The following ZNF765 variants were observed in gnomAD, a reference collection of about 807,000 sequenced individuals.
The protein encoded by ZNF765 is zinc finger protein 765.
ZNF765 carries 37 observed loss-of-function variants against 44.7 expected under a neutral mutation model. The ratio of observed to expected loss-of-function variants is 0.83; its 90% CI spans 0.64 to 1.09. The LOEUF (loss-of-function observed/expected upper bound fraction) is 1.09, where lower values mean the gene tolerates loss of function less well. Among genes scored for constraint, ZNF765 ranks in the 50% least tolerant of loss-of-function variants. The pLI is 0.00. For synonymous variants in ZNF765, 201 were observed against 213.7 expected (o/e 0.94, Z 0.52); for missense variants, 594 against 626.1 (o/e 0.95, Z 0.55).
intron 2 of ZNF765, among the ~76,000 whole-genome samples, chr19:53,400,918 C>T (rs1197394107): frequency 6.6e-6 from 1 of 151,916 alleles, no homozygotes; most frequent in African/African-American, 2.4e-5. Flanking sequence ...CTGAAACCTC[C>T]ACCCTGAGGC....
At chr19:53,407,548 A>G (rs948788141) in intron 3 of ZNF765, 150 bp from the exon 4 acceptor site, 14 of 521,352 alleles carry the variant, frequency 2.7e-5, no homozygotes, top group Non-Finnish European at 3.8e-5. Flanking sequence ...TTTATTTGTT[A>G]AAGAATCTTA....
In ZNF765 at chr19:53,407,830, A is replaced by T; in HGVS notation, c.275A>T (p.Lys92Ile). The T allele has an allele frequency of 6.2e-7, 1 of 1,613,554 alleles. No homozygotes were observed. The highest frequency in any genetic ancestry group is 1.1e-5 in the South Asian group (1 of 90,836). The change falls in exon 4 of 4, where the codon AAA (lysine) becomes ATA (isoleucine). Residue 92 changes from lysine to isoleucine, a missense_variant. Around this residue, in one of 2 missense-constraint regions of ZNF765, gnomAD observed 567 missense variants for 572.6 expected, o/e 0.99. Transcript: ENST00000396408. Reference sequence around the variant, plus strand: ...GATTTTTGTTTCCAGGATATTGATAAAGATATTCATGACATTGAGTTTCAG... The same window carrying T: ...GATTTTTGTTTCCAGGATATTGATATAGATATTCATGACATTGAGTTTCAG... The part of the protein sequence containing the change: ...NGDFCFQDID[K>I]DIHDIEFQWQ...
At chr19:53,395,822 T>A (rs2085662454) in intron 1 of ZNF765, among the ~76,000 whole-genome samples, 1 of 152,092 alleles carries the variant, frequency 6.6e-6, no homozygotes, top group African/African-American at 2.4e-5. Context: ...GGCGTTTTGC[T>A]CCAAACCCTC....
At chr19:53,400,783 T>TATATATATATATATATATATACAC (rs10664389) in intron 2 of ZNF765, among the ~76,000 whole-genome samples, 21 of 126,770 alleles carry the variant, frequency 1.7e-4, no homozygotes, top group Non-Finnish European at 2.1e-4. Context: ...TATATATATA[T>TATATATATATATATATATATACAC]ACACACATAC....
chr19:53,426,111 C>A (rs1399304042), exon 4 of ZNF765: 1 of 152,864 alleles, frequency 6.5e-6, no homozygotes, highest in South Asian at 1.9e-4. Context: ...CCCAGGGACC[C>A]ACCAGTGGGG....
intron 3 of ZNF765, among the ~76,000 whole-genome samples, chr19:53,406,416 T>G (rs878932168): frequency 1.3e-5 from 2 of 152,094 alleles, no homozygotes; most frequent in South Asian, 2.1e-4. Context: ...ATTTCAGTTC[T>G]TATATTGTCT....
chr19:53,414,447 A>C (rs2085858524), downstream of ZNF765, among the ~76,000 whole-genome samples: 1 of 2,350 alleles, frequency 4.3e-4, no homozygotes, highest in Non-Finnish European at 8.6e-4. Context: ...ACACACACAC[A>C]CACACACACA....
chr19:53,408,996 C>G lies in ZNF765; in HGVS notation c.1441C>G (p.Leu481Val), dbSNP rs541894505. The change falls in exon 4 of 4, where the codon CTT (leucine) becomes GTT (valine). Residue 481 changes from leucine to valine, a missense_variant. Leu to Val is a conservative substitution (Grantham distance 32, BLOSUM62 1). Around this residue, in one of 2 missense-constraint regions of ZNF765, gnomAD observed 567 missense variants for 572.6 expected, o/e 0.99. Transcript: ENST00000396408. The part of the protein sequence containing the change: ...CGKTFSRTSS[L>V]TYHHRLHTGQ... ...CAAGACCTTCAGCCGGACGTCATCC[C>G]TTACATACCATCATAGACTTCATAC... 8.1e-6 allele frequency: 13 copies of G among 1,603,430 alleles called. No homozygotes were observed. Among genetic ancestry groups the G allele is most frequent in the African/African-American group, 2.7e-5 (2 of 74,518 alleles).
rs547781194 is a variant in ZNF765, at chr19:53,420,329, T to A, written c.143-2733T>A. ...CCTGGTGACAGAGCAAGTATCCATC[T>A]CAAAAAATAAAATATAAATAAATAA... On this transcript the variant is annotated intron_variant, in intron 3 of 3. Coordinates refer to the ZNF765 transcript ENST00000594030. 1.5e-3 allele frequency among the ~76,000 whole-genome samples: 234 copies of A among 152,262 alleles called. 2 individuals are homozygous for A. Among genetic ancestry groups the A allele is most frequent in the Admixed American group, 2.6e-3 (40 of 15,296 alleles).
chr19:53,423,933 A>C (rs1019715233), exon 4 of ZNF765: 2 of 155,316 alleles, frequency 1.3e-5, no homozygotes, highest in African/African-American at 4.8e-5. Flanking sequence ...GGAGAGGAAG[A>C]TACTGAAACG....
At chr19:53,397,033 T>A (rs968358685) in intron 1 of ZNF765, among the ~76,000 whole-genome samples, 4 of 152,228 alleles carry the variant, frequency 2.6e-5, no homozygotes, top group Non-Finnish European at 5.9e-5. Context: ...CTAGAACCAC[T>A]CCTGTTAAGG....
chr19:53,397,016 A>G (rs1176272357), intron 1 of ZNF765, among the ~76,000 whole-genome samples: 1 of 152,246 alleles, frequency 6.6e-6, no homozygotes, highest in Non-Finnish European at 1.5e-5. Context: ...ACCAATTCTT[A>G]GTATTTCTAG....
intron 3 of ZNF765, among the ~76,000 whole-genome samples, chr19:53,406,452 A>G (rs1366538855): frequency 1.3e-5 from 2 of 152,034 alleles, no homozygotes; most frequent in South Asian, 2.1e-4. Flanking sequence ...AAGTCGTGGC[A>G]TTTTTCTTAA....
chr19:53,407,772 A>T lies in ZNF765; in HGVS notation c.217A>T (p.Thr73Ser), dbSNP rs1246433335. ...CAATAGAGAAGTGTTCCATGCAGGG[A>T]CATCTCAAAGACATGAAAGTCATCA... ...QGNREVFHAG[T>S]SQRHESHHNG... Residue 73 changes from threonine to serine, a missense_variant, in exon 4 of 4, where the codon ACA becomes TCA. By Grantham distance (58) the Thr-to-Ser change is moderately conservative (BLOSUM62 1). Coordinates refer to ENST00000396408, the MANE Select transcript of ZNF765 (RefSeq NM_001040185.3). The T allele has an allele frequency of 1.2e-6, 2 of 1,609,540 alleles. No homozygotes were observed. The highest frequency in any genetic ancestry group is 1.7e-6 in the Non-Finnish European group (2 of 1,177,902).
chr19:53,421,270 G>A (rs536439562), intron 3 of ZNF765, among the ~76,000 whole-genome samples: 5 of 152,134 alleles, frequency 3.3e-5, no homozygotes, highest in South Asian at 2.1e-4. Flanking sequence ...CTATTGTCCC[G>A]CCACATCCCC....
intron 3 of ZNF765, among the ~76,000 whole-genome samples, chr19:53,420,618 G>A (rs909460125): frequency 6.6e-6 from 1 of 152,166 alleles, no homozygotes; most frequent in Non-Finnish European, 1.5e-5. Flanking sequence ...TCTGTACTAA[G>A]AAAAATTCCT....
rs2085811139 is a variant in ZNF765, at chr19:53,409,286, C to G, written c.*159C>G. On this transcript the variant is annotated 3_prime_UTR_variant, in exon 4 of 4. Transcript: ENST00000396408. ...AAAATTCGTACTGAAGAGAATCTTACAAGTGTAATGAGTGTGGCAAGACCT... is the reference window on the plus strand; with the variant it reads ...AAAATTCGTACTGAAGAGAATCTTAGAAGTGTAATGAGTGTGGCAAGACCT... 4 of 979,468 alleles carry G rather than the reference C, an allele frequency of 4.1e-6. No individual in the cohort carries two copies. The highest frequency in any genetic ancestry group is 3.2e-5 in the African/African-American group (2 of 61,994). The allele number at this position is 979,468 out of a possible 1,614,324, so 60.7% of individuals were successfully genotyped here. A position where few individuals can be genotyped will look rare whatever the true frequency, so the allele number is the denominator to read the frequency against.
intron 3 of ZNF765, among the ~76,000 whole-genome samples, chr19:53,406,968 G>A (rs1448716858): frequency 1.3e-5 from 2 of 152,024 alleles, no homozygotes; most frequent in Admixed American, 1.3e-4. Flanking sequence ...TGCCTTTTCT[G>A]CAAGGATATA....
chr19:53,400,783 T>TATATACACACAC (rs10664389), intron 2 of ZNF765, among the ~76,000 whole-genome samples: 2 of 126,760 alleles, frequency 1.6e-5, no homozygotes, highest in African/African-American at 5.9e-5. Flanking sequence ...TATATATATA[T>TATATACACACAC]ACACACATAC....
Sources: gnomAD v4.1 joint callset for allele counts (sites outside exome capture counted in the v4.1 genomes callset) on GRCh38, gnomAD v4.1.1 for gene constraint, gnomAD v4.1.1 regional missense constraint, MANE v1.5 for transcripts, NCBI Gene and HGNC (gene_info 2026-07-23, HGNC 2026-07-21) for gene names.